The following CLSTN2 variants were observed in gnomAD, a reference collection of about 807,000 sequenced individuals.
CLSTN2 encodes calsyntenin 2.
A neutral mutation model predicts 101.2 loss-of-function variants in CLSTN2; 48 were observed. The ratio of observed to expected loss-of-function variants is 0.47; its 90% CI spans 0.38 to 0.60. The LOEUF (loss-of-function observed/expected upper bound fraction) is 0.60, where lower values mean the gene tolerates loss of function less well. Among genes scored for constraint, CLSTN2 ranks in the 20% least tolerant of loss-of-function variants. The pLI is 0.00. For synonymous variants in CLSTN2, 481 were observed against 463.6 expected, an observed-to-expected ratio of 1.04 and a Z score of -0.48; for missense variants, 1,160 against 1,238.2, an observed-to-expected ratio of 0.94 and a Z score of 0.95.
chr3:140,260,154 A>G (rs894161830), intron 2 of CLSTN2, among the ~76,000 whole-genome samples: 2 of 147,576 alleles, frequency 1.4e-5, no homozygotes, highest in East Asian at 3.9e-4. Context: ...ATATATATAT[A>G]TATTATATAT....
intron 1 of CLSTN2, among the ~76,000 whole-genome samples, chr3:140,088,628 C>A (rs565055898): frequency 1.9e-4 from 29 of 152,336 alleles, no homozygotes; most frequent in African/African-American, 6.7e-4. Flanking sequence ...CCCCTGCCCC[C>A]TCCTATGACT....
intron 2 of CLSTN2, among the ~76,000 whole-genome samples, chr3:140,319,762 C>A (rs920872399): frequency 2.0e-5 from 3 of 152,194 alleles, no homozygotes; most frequent in African/African-American, 7.2e-5. Flanking sequence ...AGCAAAGGTG[C>A]AAACCCTTCT....
chr3:140,025,921 C>T (rs1398859705), intron 1 of CLSTN2, among the ~76,000 whole-genome samples: 1 of 152,132 alleles, frequency 6.6e-6, no homozygotes, highest in African/African-American at 2.4e-5. Flanking sequence ...TGAGCAAGTA[C>T]CGCGCATGTG....
At chr3:140,092,244 C>T (rs1160139590) in intron 1 of CLSTN2, among the ~76,000 whole-genome samples, 1 of 152,224 alleles carries the variant, frequency 6.6e-6, no homozygotes, top group East Asian at 1.9e-4. Context: ...CTCCCACAGT[C>T]ATCACTTGGG....
intron 1 of CLSTN2, among the ~76,000 whole-genome samples, chr3:140,045,837 T>A (rs1442607676): frequency 6.6e-6 from 1 of 152,186 alleles, no homozygotes; most frequent in East Asian, 1.9e-4. Flanking sequence ...TTTGAGTGAG[T>A]TTCTTAATCC....
intron 2 of CLSTN2, among the ~76,000 whole-genome samples, chr3:140,293,564 A>G (rs940918451): frequency 2.6e-5 from 4 of 152,172 alleles, no homozygotes; most frequent in African/African-American, 9.7e-5. Context: ...TGAGCAGTGG[A>G]AAGGATGAAA....
At chr3:140,255,482 A>C (rs2086597002) in intron 2 of CLSTN2, among the ~76,000 whole-genome samples, 1 of 152,124 alleles carries the variant, frequency 6.6e-6, no homozygotes, top group Admixed American at 6.6e-5. Context: ...AAAAACGACA[A>C]ATCATGTCCT....
intron 2 of CLSTN2, among the ~76,000 whole-genome samples, chr3:140,242,308 T>C (rs2086477540): frequency 6.6e-6 from 1 of 152,196 alleles, no homozygotes; most frequent in South Asian, 2.1e-4. Context: ...ATGTCACCAT[T>C]GTTAAATACA....
chr3:140,156,211 G>A (rs1189665448), intron 1 of CLSTN2, among the ~76,000 whole-genome samples: 1 of 152,176 alleles, frequency 6.6e-6, no homozygotes, highest in Non-Finnish European at 1.5e-5. Flanking sequence ...CTGAGGTCAT[G>A]TTCAGGGTCA....
chr3:140,364,086 G>A (rs754641507), intron 2 of CLSTN2, among the ~76,000 whole-genome samples: 8 of 152,118 alleles, frequency 5.3e-5, no homozygotes, highest in Non-Finnish European at 1.0e-4. Context: ...TCTAAGTCCC[G>A]ATTCTAGACC....
intron 7 of CLSTN2, among the ~76,000 whole-genome samples, chr3:140,465,353 T>C (rs1933666737): frequency 6.6e-6 from 1 of 152,176 alleles, no homozygotes; most frequent in Non-Finnish European, 1.5e-5. Context: ...AAGGAAAGTA[T>C]CTCTTCTGTT....
At chr3:140,029,353 T>C (rs2007498913) in intron 1 of CLSTN2, among the ~76,000 whole-genome samples, 1 of 151,970 alleles carries the variant, frequency 6.6e-6, no homozygotes, top group South Asian at 2.1e-4. Flanking sequence ...TAATGAGTTT[T>C]GTGACTAAAA....
chr3:140,427,320 G>A (rs2088583457), intron 5 of CLSTN2, among the ~76,000 whole-genome samples: 1 of 150,540 alleles, frequency 6.6e-6, no homozygotes, highest in Admixed American at 6.6e-5. Context: ...AGTGGACCAT[G>A]GTAGATAAAC....
chr3:140,265,229 T>G, intron 2 of CLSTN2, among the ~76,000 whole-genome samples: 1 of 152,132 alleles, frequency 6.6e-6, no homozygotes, highest in East Asian at 1.9e-4. Flanking sequence ...CACTGCCCTT[T>G]ATGGCTGGGG....
chr3:140,118,778 T>C (rs2009288485), intron 1 of CLSTN2, among the ~76,000 whole-genome samples: 1 of 152,160 alleles, frequency 6.6e-6, no homozygotes, highest in Admixed American at 6.5e-5. Context: ...CTTTGGAATA[T>C]GGATGACATG....
At chr3:140,522,886 G>T (rs1165221415) in intron 8 of CLSTN2, among the ~76,000 whole-genome samples, 3 of 147,054 alleles carry the variant, frequency 2.0e-5, no homozygotes, top group Non-Finnish European at 3.0e-5. Flanking sequence ...TGCTGTGTTT[G>T]CTATTATTTC....
chr3:140,123,112 G>A (rs563510824), intron 1 of CLSTN2, among the ~76,000 whole-genome samples: 1 of 144,164 alleles, frequency 6.9e-6, no homozygotes, highest in East Asian at 2.1e-4. Context: ...GGTGTCTAGT[G>A]AGGGCTGACT....
intron 5 of CLSTN2, among the ~76,000 whole-genome samples, chr3:140,430,627 C>A (rs546583368): frequency 5.5e-4 from 84 of 152,172 alleles, no homozygotes; most frequent in African/African-American, 2.0e-3. Context: ...GTTTCGTGAC[C>A]CCTGTGTGAA....
Position 140,227,787 on chromosome 3 carries a change from A to C in CLSTN2, c.232+51714A>C, listed in dbSNP as rs573521375. Among the ~76,000 whole-genome samples the C allele has an allele frequency of 2.0e-5, 3 of 152,312 alleles. No individual in the cohort carries two copies. In the East Asian group the frequency reaches 5.8e-4, roughly 29 times the overall value. On this transcript the variant is annotated intron_variant, in intron 2 of 16. Coordinates refer to ENST00000458420, the MANE Select transcript of CLSTN2 (RefSeq NM_022131.3). ...CACTTGCAGGCTCAACACCACCTGGAAGCTGCCAAGGCTTGGGGCTTCCAC... is the reference window on the plus strand; with the variant it reads ...CACTTGCAGGCTCAACACCACCTGGCAGCTGCCAAGGCTTGGGGCTTCCAC...
Sources: allele counts gnomAD v4.1 joint callset (sites outside exome capture counted in the v4.1 genomes callset), GRCh38; gene constraint gnomAD v4.1.1; transcripts MANE v1.5; gene names NCBI Gene and HGNC (gene_info 2026-07-23, HGNC 2026-07-21).